Variants in RPL22 observed in about 807,000 individuals in gnomAD.
The protein encoded by RPL22 is ribosomal protein L22.
Under a neutral mutation model 16.2 loss-of-function variants are expected in RPL22, and 4 were observed. That is an observed-to-expected ratio of 0.25 (90% CI 0.12 to 0.57). RPL22 has a LOEUF of 0.57. Ranked by LOEUF, RPL22 falls within the 20% of genes least tolerant of loss-of-function variation. The probability of loss-of-function intolerance (pLI) is 0.92; values close to 1 mark genes in which losing one functional copy is unlikely to be tolerated. For missense variants in RPL22, 83 were observed against 156.1 expected, an observed-to-expected ratio of 0.53 and a Z score of 2.49; for synonymous variants, 43 against 54.8, an observed-to-expected ratio of 0.78 and a Z score of 0.95.
At chr1:6,190,196 C>T (rs1465546817) in intron 3 of RPL22, among the ~76,000 whole-genome samples, 3 of 152,136 alleles carry the variant, frequency 2.0e-5, no homozygotes, top group Admixed American at 6.5e-5. Flanking sequence ...CCCAGCAGGC[C>T]GGACGCTTTG....
At chr1:6,199,400 T>C (rs1035706402) in intron 1 of RPL22, 162 bp downstream of exon 1, 5 of 1,377,588 alleles carry the variant, frequency 3.6e-6, no homozygotes, top group Non-Finnish European at 4.7e-6. Context: ...GCCTACAACG[T>C]GCTGGGATCG....
intron 3 of RPL22, 109 bp from the exon 4 acceptor site, chr1:6,186,925 TTCCC>T: frequency 1.3e-6 from 2 of 1,522,856 alleles, no homozygotes; most frequent in Non-Finnish European, 1.8e-6. Flanking sequence ...TCAAGGTGTT[TTCCC>T]AAGCCTCAAA....
intron 3 of RPL22, among the ~76,000 whole-genome samples, chr1:6,187,893 G>A (rs1667602389): frequency 6.6e-6 from 1 of 152,116 alleles, no homozygotes; most frequent in Non-Finnish European, 1.5e-5. Flanking sequence ...TCTTAGGGGT[G>A]TGCACACACT....
chr1:6,191,359 CAAA>C (rs769446432), intron 3 of RPL22, among the ~76,000 whole-genome samples: 2 of 32,416 alleles, frequency 6.2e-5, no homozygotes, highest in South Asian at 1.5e-3. Context: ...GACTCCGTCT[CAAA>C]AAAAAAAAAA....
intron 2 of RPL22, among the ~76,000 whole-genome samples, chr1:6,194,155 G>A (rs145743423): frequency 0.013 from 2,032 of 151,844 alleles, 47 homozygotes; most frequent in African/African-American, 0.047. Flanking sequence ...GCAGTGAGCC[G>A]AGATCACACC....
intron 2 of RPL22, among the ~76,000 whole-genome samples, chr1:6,197,252 G>A (rs893829373): frequency 2.0e-5 from 3 of 152,232 alleles, no homozygotes; most frequent in East Asian, 3.9e-4. Flanking sequence ...GACTGGTCTC[G>A]AACTCCTGAC....
chr1:6,192,792 T>C (rs2100904835), intron 3 of RPL22, 138 bp downstream of exon 3: 1 of 1,004,268 alleles, frequency 1.0e-6, no homozygotes, highest in Admixed American at 2.4e-5. Context: ...ATTCATCCAC[T>C]GCCTCCTGCA....
At chr1:6,195,549 A>G (rs1474332036) in intron 2 of RPL22, among the ~76,000 whole-genome samples, 1 of 151,860 alleles carries the variant, frequency 6.6e-6, no homozygotes, top group African/African-American at 2.4e-5. Context: ...CAGGAGTTCA[A>G]GACCAACCTG....
intron 3 of RPL22, among the ~76,000 whole-genome samples, chr1:6,188,988 G>T (rs1487783512): frequency 6.6e-6 from 1 of 152,104 alleles, no homozygotes; most frequent in Admixed American, 6.5e-5. Context: ...GTTTCTCCAT[G>T]TTGGTCAGGC....
At position 6,186,130 on chromosome 1, in the gene RPL22, A is replaced by G. The variant is rs1021114149; in HGVS notation, c.*542T>C. 8.6e-6 allele frequency: 2 copies of G among 232,872 alleles called. No homozygotes were observed. The highest frequency in any genetic ancestry group is 1.7e-5 in the Non-Finnish European group (2 of 118,014). 14.4% of individuals were successfully genotyped at this position (232,872 alleles called of 1,614,324 possible). On this transcript the variant is annotated 3_prime_UTR_variant, in exon 4 of 4. Transcript: ENST00000234875. ...TATGGCAGCAACACTGAAGGAGCAC[A>G]GTTTCTCTCTCTAGGAAGAAGAGGA...
intron 3 of RPL22, among the ~76,000 whole-genome samples, chr1:6,191,053 G>A (rs532095562): frequency 1.1e-4 from 16 of 152,104 alleles, no homozygotes; most frequent in African/African-American, 2.6e-4. Context: ...GCGAAACCCC[G>A]TATCTACTAA....
At chr1:6,188,528 C>A (rs1667609776) in intron 3 of RPL22, among the ~76,000 whole-genome samples, 2 of 150,464 alleles carry the variant, frequency 1.3e-5, no homozygotes, top group Admixed American at 1.3e-4. Context: ...TGTCTCTACA[C>A]AACATTTTTT....
chr1:6,193,615 G>T (rs764641705), intron 2 of RPL22, among the ~76,000 whole-genome samples: 1 of 151,792 alleles, frequency 6.6e-6, no homozygotes, highest in Non-Finnish European at 1.5e-5. Flanking sequence ...GAGCCACTGC[G>T]CCTGGCTTAA....
chr1:6,197,322 G>A (rs769317297), intron 2 of RPL22, among the ~76,000 whole-genome samples: 27 of 152,200 alleles, frequency 1.8e-4, no homozygotes, highest in Non-Finnish European at 2.5e-4. Context: ...GAGCCACCGT[G>A]CCTGGCTTGT....
In RPL22 at chr1:6,190,130, C is replaced by T. The variant is rs116428108; in HGVS notation, c.242+2800G>A. 9.1e-3 allele frequency among the ~76,000 whole-genome samples: 1,380 copies of T among 152,234 alleles called. 15 individuals are homozygous for T. The highest frequency in any genetic ancestry group is 0.03 in the African/African-American group (1,261 of 41,528). ...GACGCATGTCAGGAGATACCCTCAC[C>T]CTGGTAAACAGGTCACAGAAAGGTA... On this transcript the variant is annotated intron_variant, in intron 3 of 3. Transcript: ENST00000234875.
intron 3 of RPL22, among the ~76,000 whole-genome samples, chr1:6,192,283 G>C (rs1667662395): frequency 6.6e-6 from 1 of 152,208 alleles, no homozygotes; most frequent in Non-Finnish European, 1.5e-5. Context: ...CTGGGCTCAA[G>C]CAATACTCCT....
rs2100908196 is a variant in RPL22, at chr1:6,197,755, T to C, written c.14A>G (p.Lys5Arg). MAPV[K>R]KLVVKGGKKK... Reference sequence around the variant, plus strand: ...TTTGCCCCCCTTCACCACAAGCTTTTTCTAAGAAAATACACAAATGATAAC... The same window carrying C: ...TTTGCCCCCCTTCACCACAAGCTTTCTCTAAGAAAATACACAAATGATAAC... The change falls in exon 2 of 4, where the codon AAA becomes AGA. Residue 5 changes from lysine (K) to arginine (R), a missense_variant and splice_region_variant. Coordinates refer to ENST00000234875, the MANE Select transcript of RPL22 (RefSeq NM_000983.4). The C allele has an allele frequency of 6.2e-7, 1 of 1,607,814 alleles. No homozygotes were observed. The highest frequency in any genetic ancestry group is 1.3e-5 in the African/African-American group (1 of 74,952).
chr1:6,189,626 A>C (rs1667624889), intron 3 of RPL22, among the ~76,000 whole-genome samples: 1 of 151,758 alleles, frequency 6.6e-6, no homozygotes, highest in African/African-American at 2.4e-5. Context: ...AAAAAAAAAA[A>C]AACCCTGTAC....
chr1:6,190,637 C>T (rs1667637959), intron 3 of RPL22, among the ~76,000 whole-genome samples: 1 of 152,144 alleles, frequency 6.6e-6, no homozygotes, highest in Non-Finnish European at 1.5e-5. Context: ...CCTCGGCCTC[C>T]CAAAGTGCTG....
Sources: gnomAD v4.1 joint callset for allele counts (sites outside exome capture counted in the v4.1 genomes callset) on GRCh38, gnomAD v4.1.1 for gene constraint, MANE v1.5 for transcripts, NCBI Gene and HGNC (gene_info 2026-07-23, HGNC 2026-07-21) for gene names.